The following SNTG1 variants were observed in gnomAD, a reference collection of about 807,000 sequenced individuals.
SNTG1 encodes the protein gamma-1-syntrophin.
In SNTG1, 39 loss-of-function variants were observed where a neutral mutation model predicts 74.7. That is an observed-to-expected ratio of 0.52 (90% CI 0.40 to 0.68). The LOEUF (loss-of-function observed/expected upper bound fraction) is 0.68. Among genes scored for constraint, SNTG1 ranks in the 30% least tolerant of loss-of-function variants. The pLI is 0.00. For missense variants in SNTG1, 685 were observed against 609.5 expected (o/e 1.12, Z -1.30); for synonymous variants, 254 against 217.1 (o/e 1.17, Z -1.49).
At chr8:50,554,715 A>G (rs2094446212) in intron 12 of SNTG1, among the ~76,000 whole-genome samples, 1 of 152,090 alleles carries the variant, frequency 6.6e-6, no homozygotes, top group African/African-American at 2.4e-5. Flanking sequence ...AAGAAATGCA[A>G]TGTTTCTCTA....
chr8:50,230,987 C>T (rs1430056539), intron 2 of SNTG1, among the ~76,000 whole-genome samples: 2 of 151,100 alleles, frequency 1.3e-5, no homozygotes, highest in Non-Finnish European at 3.0e-5. Flanking sequence ...TATTTGCAAG[C>T]CATACATCTG....
Position 50,795,875 on chromosome 8 carries a change from T to A in SNTG1, c.*3046T>A, listed in dbSNP as rs1173008533. The A allele has an allele frequency of 2.0e-5, 3 of 152,102 alleles. No individual in the cohort carries two copies. Among genetic ancestry groups the A allele is most frequent in the Admixed American group, 6.6e-5 (1 of 15,236 alleles). The allele number at this position is 152,102 out of a possible 1,614,324, so 9.4% of individuals were successfully genotyped here. On this transcript the variant is annotated 3_prime_UTR_variant, in exon 19 of 19. Transcript: ENST00000642720. ...TATCTGAACACTTATCCAGCTTTTT[T>A]AAAATGGGAGGATAATCAGGTAATT...
At chr8:50,106,080 A>G (rs910180662) in intron 1 of SNTG1, among the ~76,000 whole-genome samples, 5 of 152,094 alleles carry the variant, frequency 3.3e-5, no homozygotes, top group Non-Finnish European at 7.4e-5. Flanking sequence ...GTCTATTCGT[A>G]CACTGCTATA....
chr8:50,022,504 T>G (rs1816914703), intron 1 of SNTG1, among the ~76,000 whole-genome samples: 1 of 152,184 alleles, frequency 6.6e-6, no homozygotes, highest in South Asian at 2.1e-4. Flanking sequence ...ATTAAACCAA[T>G]GAGAGCTTCA....
intron 8 of SNTG1, among the ~76,000 whole-genome samples, chr8:50,484,203 TCC>T (rs1408666531): frequency 0.017 from 2,114 of 125,442 alleles, 121 homozygotes; most frequent in African/African-American, 0.032. Flanking sequence ...CTTCCTTCCT[TCC>T]TTCCTTCCTT....
intron 1 of SNTG1, among the ~76,000 whole-genome samples, chr8:50,042,077 G>A (rs991272976): frequency 2.0e-4 from 31 of 152,196 alleles, no homozygotes; most frequent in Admixed American, 1.0e-3. Flanking sequence ...GAGTGAAACC[G>A]TGGTATATTG....
At chr8:50,784,464 A>G (rs2095668984) in intron 18 of SNTG1, among the ~76,000 whole-genome samples, 1 of 152,228 alleles carries the variant, frequency 6.6e-6, no homozygotes, top group Admixed American at 6.5e-5. Flanking sequence ...TTTATAATGA[A>G]AAATGAATCA....
In SNTG1 at chr8:50,450,239, A is replaced by C. The variant is rs138270557; in HGVS notation, c.278-317A>C. The stretch of plus-strand genomic sequence containing the variant: ...CTGACGGATTGAATGTCTATGTCTT[A>C]AACATTTTCACAGAGACCTAATAAT... On this transcript the variant is annotated intron_variant, in intron 6 of 18. Transcript: ENST00000642720. Among the ~76,000 whole-genome samples the C allele has an allele frequency of 3.7e-4, 57 of 152,362 alleles. No individual in the cohort carries two copies. The East Asian group carries it at 0.011, about 29-fold the overall frequency.
At chr8:49,949,388 G>T (rs1444403370) in intron 1 of SNTG1, among the ~76,000 whole-genome samples, 1 of 152,156 alleles carries the variant, frequency 6.6e-6, no homozygotes. Flanking sequence ...TGGACTACAT[G>T]TATCTCAGTC....
intron 1 of SNTG1, among the ~76,000 whole-genome samples, chr8:50,026,374 G>A (rs1164316291): frequency 6.6e-6 from 1 of 152,152 alleles, no homozygotes; most frequent in Non-Finnish European, 1.5e-5. Context: ...GTGCACAAGA[G>A]CCTAATGTAT....
At position 50,154,209 on chromosome 8, in the gene SNTG1, G is replaced by T. The variant is rs2082175274; in HGVS notation, c.-102-18352G>T. The stretch of plus-strand genomic sequence containing the variant: ...CTCATACAGCCCGGTACCCCTCTGT[G>T]GGTGTGGGACCCCCCAAGCCAGGCA... On this transcript the variant is annotated intron_variant, in intron 1 of 18. Coordinates refer to ENST00000642720, the MANE Select transcript of SNTG1 (RefSeq NM_018967.5). 2.6e-5 allele frequency among the ~76,000 whole-genome samples: 4 copies of T among 152,282 alleles called. No homozygotes were observed. The South Asian group carries it at 6.2e-4, about 24-fold the overall frequency.
At chr8:50,747,287 C>T (rs748236575) in intron 17 of SNTG1, among the ~76,000 whole-genome samples, 8 of 151,848 alleles carry the variant, frequency 5.3e-5, no homozygotes, top group Admixed American at 1.3e-4. Context: ...TCAGTAATTC[C>T]TTGTTGCATC....
At chr8:50,582,037 T>A (rs2094613397) in intron 12 of SNTG1, among the ~76,000 whole-genome samples, 1 of 152,198 alleles carries the variant, frequency 6.6e-6, no homozygotes, top group South Asian at 2.1e-4. Flanking sequence ...CTCCTTCATG[T>A]CTTCCCAGCC....
chr8:50,242,899 G>A (rs1216755598), intron 2 of SNTG1, among the ~76,000 whole-genome samples: 1 of 151,762 alleles, frequency 6.6e-6, no homozygotes, highest in Non-Finnish European at 1.5e-5. Flanking sequence ...AATAATGTAT[G>A]TTTTTAGAAT....
intron 1 of SNTG1, among the ~76,000 whole-genome samples, chr8:50,138,962 C>A (rs1200462151): frequency 6.6e-6 from 1 of 151,916 alleles, no homozygotes; most frequent in Admixed American, 6.6e-5. Context: ...GAACTAAAGT[C>A]TAAAAGTTTA....
chr8:50,569,495 C>T (rs984952012), intron 12 of SNTG1, among the ~76,000 whole-genome samples: 13 of 149,560 alleles, frequency 8.7e-5, no homozygotes, highest in African/African-American at 2.5e-4. Context: ...TCCATAAAAG[C>T]GTTGGTTTTG....
intron 1 of SNTG1, among the ~76,000 whole-genome samples, chr8:50,002,720 A>G (rs1468207883): frequency 1.3e-5 from 2 of 152,166 alleles, no homozygotes; most frequent in East Asian, 1.9e-4. Flanking sequence ...TTACCCTATG[A>G]TGATATGACC....
chr8:50,409,708 T>C (rs1430883695), intron 4 of SNTG1, among the ~76,000 whole-genome samples: 1 of 152,202 alleles, frequency 6.6e-6, no homozygotes, highest in African/African-American at 2.4e-5. Context: ...CATGGTAGTA[T>C]ACCCTTCAAT....
chr8:50,326,777 C>T (rs2090767066), intron 2 of SNTG1, among the ~76,000 whole-genome samples: 1 of 151,638 alleles, frequency 6.6e-6, no homozygotes, highest in South Asian at 2.1e-4. Context: ...AAAGTGGATA[C>T]TAATATTATT....
Sources: allele counts gnomAD v4.1 joint callset (sites outside exome capture counted in the v4.1 genomes callset), GRCh38; gene constraint gnomAD v4.1.1; transcripts MANE v1.5; gene names NCBI Gene and HGNC (gene_info 2026-07-23, HGNC 2026-07-21).